OLFM3: variants seen among roughly 807,000 people sequenced by gnomAD.
OLFM3 encodes the protein noelin-3.
Under a neutral mutation model 48.6 loss-of-function variants are expected in OLFM3, and 20 were observed. The ratio of observed to expected loss-of-function variants is 0.41; its 90% CI spans 0.29 to 0.60. The LOEUF (loss-of-function observed/expected upper bound fraction) is 0.60, where lower values mean the gene tolerates loss of function less well. Among genes scored for constraint, OLFM3 ranks in the 20% least tolerant of loss-of-function variants. OLFM3 has a pLI of 0.28. For synonymous variants in OLFM3, 222 were observed against 198.1 expected (o/e 1.12, Z -1.01); for missense variants, 437 against 544.3 (o/e 0.80, Z 1.96).
intron 1 of OLFM3, among the ~76,000 whole-genome samples, chr1:101,881,393 A>C (rs1657519903): frequency 6.6e-6 from 1 of 151,854 alleles, no homozygotes; most frequent in Non-Finnish European, 1.5e-5. Context: ...GATCTTCATG[A>C]AAAGCCTCTC....
In OLFM3 at chr1:101,806,165, T is replaced by G. The variant is rs1349463720; in HGVS notation, c.610A>C (p.Lys204Gln). The G allele has an allele frequency of 6.2e-7, 1 of 1,611,808 alleles. No individual in the cohort carries two copies. Among genetic ancestry groups the G allele is most frequent in the East Asian group, 2.2e-5 (1 of 44,810 alleles). The change falls in exon 5 of 6, where the codon AAA becomes CAA. Residue 204 changes from lysine (K) to glutamine (Q), a missense_variant. Around this residue, in one of 3 missense-constraint regions of OLFM3, gnomAD observed 314 missense variants for 365.5 expected, o/e 0.86. Transcript: ENST00000370103. ...TTGACTGTAACTGGGCCTGTGATTT[T>G]CATCAGTTTGCCACATGCTGAAATT... ...MKKLTCGKLM[K>Q]ITGPVTVKTS...
intron 4 of OLFM3, among the ~76,000 whole-genome samples, chr1:101,811,526 G>A (rs1369533483): frequency 1.3e-5 from 2 of 152,102 alleles, no homozygotes; most frequent in African/African-American, 4.8e-5. Flanking sequence ...AGTGGACGAA[G>A]GATATGAACA....
chr1:101,984,820 G>A (rs1661192400), intron 1 of OLFM3, among the ~76,000 whole-genome samples: 1 of 152,156 alleles, frequency 6.6e-6, no homozygotes, highest in Non-Finnish European at 1.5e-5. Flanking sequence ...TTATTTGGCT[G>A]ATTATGTTTG....
At position 101,817,738 on chromosome 1, in the gene OLFM3, A is replaced by G. The variant is rs116222755; in HGVS notation, c.592+7288T>C. On this transcript the variant is annotated intron_variant, in intron 4 of 5. Transcript: ENST00000370103. ...TGGATTATTGAATATGTTTATGGAC[A>G]GAATGTTATTTCTTTTTACTTAAGG... Among the ~76,000 whole-genome samples the G allele has an allele frequency of 5.1e-3, 772 of 152,246 alleles. 7 individuals are homozygous for G. The highest frequency in any genetic ancestry group is 0.017 in the African/African-American group (726 of 41,584).
chr1:101,846,366 G>T (rs187896970), intron 1 of OLFM3, among the ~76,000 whole-genome samples: 24 of 152,236 alleles, frequency 1.6e-4, no homozygotes, highest in Admixed American at 3.3e-4. Context: ...ATGCTTAAAA[G>T]ATGTTAGTTT....
chr1:101,980,068 T>C (rs1661065964), intron 1 of OLFM3, among the ~76,000 whole-genome samples: 1 of 152,206 alleles, frequency 6.6e-6, no homozygotes, highest in Non-Finnish European at 1.5e-5. Flanking sequence ...TGGGCCAATT[T>C]TTCCCATTTG....
At chr1:101,853,017 T>C (rs1047830450) in intron 1 of OLFM3, among the ~76,000 whole-genome samples, 1 of 152,122 alleles carries the variant, frequency 6.6e-6, no homozygotes, top group Non-Finnish European at 1.5e-5. Context: ...TTTGTACCAT[T>C]TGTTACTGCT....
At chr1:101,841,804 A>G (rs898610861) in intron 1 of OLFM3, among the ~76,000 whole-genome samples, 3 of 152,224 alleles carry the variant, frequency 2.0e-5, no homozygotes, top group Admixed American at 6.5e-5. Flanking sequence ...AAGGACAAAA[A>G]GGGATATAGC....
chr1:101,974,606 T>C (rs1660896690), intron 1 of OLFM3, among the ~76,000 whole-genome samples: 1 of 152,116 alleles, frequency 6.6e-6, no homozygotes, highest in South Asian at 2.1e-4. Flanking sequence ...CTCAATGTAT[T>C]GTTGTGCTTC....
intron 1 of OLFM3, among the ~76,000 whole-genome samples, chr1:101,952,226 CT>C (rs1372156926): frequency 4.6e-5 from 7 of 152,104 alleles, no homozygotes; most frequent in Non-Finnish European, 8.8e-5. Context: ...TTATTTTCTC[CT>C]TTTTTGGACT....
At chr1:101,901,792 A>C (rs1414436014) in intron 1 of OLFM3, among the ~76,000 whole-genome samples, 1 of 152,098 alleles carries the variant, frequency 6.6e-6, no homozygotes, top group Non-Finnish European at 1.5e-5. Flanking sequence ...GTGGTACTTC[A>C]ATAGAAACAG....
At chr1:101,964,194 A>G (rs1367021625) in intron 1 of OLFM3, among the ~76,000 whole-genome samples, 1 of 152,254 alleles carries the variant, frequency 6.6e-6, no homozygotes, top group Non-Finnish European at 1.5e-5. Flanking sequence ...TGTGGAAGAA[A>G]GTTTAAGGGA....
chr1:101,875,123 AATGATTC>A (rs1657247091), intron 1 of OLFM3, among the ~76,000 whole-genome samples: 1 of 152,068 alleles, frequency 6.6e-6, no homozygotes, highest in East Asian at 1.9e-4. Flanking sequence ...AGAAAAATTA[AATGATTC>A]TGTATAAACA....
intron 1 of OLFM3, among the ~76,000 whole-genome samples, chr1:101,886,867 A>G (rs949709990): frequency 7.9e-5 from 12 of 152,122 alleles, no homozygotes; most frequent in Admixed American, 2.0e-4. Context: ...TTCATTAAAC[A>G]TTTATTAAAA....
At chr1:101,813,051 G>A in intron 4 of OLFM3, 1 of 1,257,224 alleles carries the variant, frequency 8.0e-7, no homozygotes, top group South Asian at 1.4e-5. Context: ...GGTGAACAGG[G>A]AGGCAAGTCG....
At chr1:101,824,605 A>G (rs1654760857) in intron 4 of OLFM3, among the ~76,000 whole-genome samples, 1 of 151,754 alleles carries the variant, frequency 6.6e-6, no homozygotes, top group African/African-American at 2.4e-5. Flanking sequence ...TCCCAGGGTA[A>G]CTTTCCTTTC....
intron 1 of OLFM3, among the ~76,000 whole-genome samples, chr1:101,935,309 G>T (rs151161499): frequency 1.1e-3 from 138 of 129,920 alleles, no homozygotes; most frequent in African/African-American, 3.2e-3. Flanking sequence ...TGAACCTAGA[G>T]AAATAAAAAA....
At chr1:101,892,125 C>T (rs1658023076) in intron 1 of OLFM3, among the ~76,000 whole-genome samples, 1 of 151,830 alleles carries the variant, frequency 6.6e-6, no homozygotes, top group Non-Finnish European at 1.5e-5. Context: ...GAAACTCTGC[C>T]CTGTGTGAGA....
intron 1 of OLFM3, among the ~76,000 whole-genome samples, chr1:101,948,405 T>A (rs1001234007): frequency 1.3e-5 from 2 of 152,132 alleles, no homozygotes; most frequent in African/African-American, 2.4e-5. Context: ...TTTAAGGAAG[T>A]AGATGACACT....
Sources: allele counts gnomAD v4.1 joint callset (sites outside exome capture counted in the v4.1 genomes callset), GRCh38; gene constraint gnomAD v4.1.1; regional missense constraint gnomAD v4.1.1; transcripts MANE v1.5; gene names NCBI Gene and HGNC (gene_info 2026-07-23, HGNC 2026-07-21).